TAFA1: variants seen among roughly 807,000 people sequenced by gnomAD.
TAFA1 encodes the protein TAFA chemokine like family member 1, also known as chemokine-like protein TAFA-1.
In TAFA1, 4 loss-of-function variants were observed where a neutral mutation model predicts 18.5. The ratio of observed to expected loss-of-function variants is 0.22; its 90% CI spans 0.11 to 0.49. The LOEUF (loss-of-function observed/expected upper bound fraction) is 0.49, where lower values mean the gene tolerates loss of function less well. Among genes scored for constraint, TAFA1 ranks in the 20% least tolerant of loss-of-function variants. The pLI, the probability that TAFA1 is intolerant of heterozygous loss-of-function variation, is 0.98. For missense variants in TAFA1, 147 were observed against 169.0 expected (o/e 0.87, Z 0.72); for synonymous variants, 56 against 55.2 (o/e 1.01, Z -0.06).
At chr3:67,995,376 G>C in the TAFA1 span, among the ~76,000 whole-genome samples, 3 of 151,900 alleles carry the variant, frequency 2.0e-5, no homozygotes, top group Non-Finnish European at 4.4e-5. Context: ...ATCTGGGTGG[G>C]GGCCAGGGCA....
chr3:68,386,114 A>G (rs1049817839), intron 2 of TAFA1, among the ~76,000 whole-genome samples: 1 of 152,146 alleles, frequency 6.6e-6, no homozygotes, highest in Non-Finnish European at 1.5e-5. Flanking sequence ...CTGACTTGCT[A>G]TGAACAAGAC....
At chr3:68,070,500 C>T (rs1331296292) in intron 2 of TAFA1, among the ~76,000 whole-genome samples, 1 of 152,214 alleles carries the variant, frequency 6.6e-6, no homozygotes, top group African/African-American at 2.4e-5. Flanking sequence ...ATGAAGACCT[C>T]TGACATGCCC....
chr3:68,283,355 T>C (rs1399277815), intron 2 of TAFA1, among the ~76,000 whole-genome samples: 1 of 152,224 alleles, frequency 6.6e-6, no homozygotes, highest in Non-Finnish European at 1.5e-5. Flanking sequence ...AGTATGCATA[T>C]GTATTACTGT....
intron 3 of TAFA1, among the ~76,000 whole-genome samples, chr3:68,511,721 A>G (rs2072848544): frequency 6.6e-6 from 1 of 152,072 alleles, no homozygotes; most frequent in Non-Finnish European, 1.5e-5. Context: ...CCACAGATAA[A>G]CTTAATTTCC....
chr3:68,087,033 A>G (rs2064978360), intron 2 of TAFA1, among the ~76,000 whole-genome samples: 1 of 152,216 alleles, frequency 6.6e-6, no homozygotes, highest in Non-Finnish European at 1.5e-5. Context: ...ATGTTTGCAG[A>G]CATTTTAGAG....
chr3:68,510,621 A>G (rs1399385617), intron 3 of TAFA1, among the ~76,000 whole-genome samples: 1 of 152,122 alleles, frequency 6.6e-6, no homozygotes, highest in Non-Finnish European at 1.5e-5. Flanking sequence ...AATAGGTTAT[A>G]TTGCATCTAA....
At chr3:68,515,464 G>T (rs181820967) in intron 3 of TAFA1, among the ~76,000 whole-genome samples, 82 of 152,210 alleles carry the variant, frequency 5.4e-4, no homozygotes, top group African/African-American at 1.9e-3. Flanking sequence ...AGGAAGTATG[G>T]TTAGCTCCAC....
intron 2 of TAFA1, among the ~76,000 whole-genome samples, chr3:68,388,395 A>T (rs2070151785): frequency 6.6e-6 from 1 of 152,178 alleles, no homozygotes; most frequent in South Asian, 2.1e-4. Context: ...AGAGGCCTCA[A>T]TGTGCATTCA....
intron 2 of TAFA1, among the ~76,000 whole-genome samples, chr3:68,345,885 T>C (rs977541945): frequency 3.3e-5 from 5 of 152,138 alleles, no homozygotes; most frequent in African/African-American, 7.2e-5. Context: ...GCACATTCTC[T>C]TTTTTAGAGA....
the TAFA1 span, among the ~76,000 whole-genome samples, chr3:67,996,889 T>C: frequency 2.6e-5 from 4 of 152,228 alleles, no homozygotes; most frequent in East Asian, 7.7e-4. Context: ...ACATAAAAGA[T>C]AGTCTAGTGG....
chr3:68,307,951 C>A (rs1005775984), intron 2 of TAFA1, among the ~76,000 whole-genome samples: 7 of 152,174 alleles, frequency 4.6e-5, no homozygotes, highest in Middle Eastern at 3.4e-3. Flanking sequence ...CTTAAGTGTT[C>A]TGAAATTATT....
intron 3 of TAFA1, among the ~76,000 whole-genome samples, chr3:68,427,630 T>G (rs1452117685): frequency 1.3e-5 from 2 of 151,802 alleles, no homozygotes; most frequent in Non-Finnish European, 2.9e-5. Context: ...CCTCTGAAGC[T>G]CCTTGAATTT....
At chr3:68,374,587 G>A (rs72912928) in intron 2 of TAFA1, among the ~76,000 whole-genome samples, 10,190 of 152,182 alleles carry the variant, frequency 0.067, 457 homozygotes, top group East Asian at 0.14. Flanking sequence ...CTACAATTCA[G>A]CATGTCTTGA....
At chr3:68,214,127 G>T (rs1422572499) in intron 2 of TAFA1, among the ~76,000 whole-genome samples, 1 of 152,028 alleles carries the variant, frequency 6.6e-6, no homozygotes, top group African/African-American at 2.4e-5. Context: ...TTGCTTGTTA[G>T]AAGGAATGGA....
At chr3:68,246,280 T>C (rs2067074797) in intron 2 of TAFA1, among the ~76,000 whole-genome samples, 1 of 152,142 alleles carries the variant, frequency 6.6e-6, no homozygotes, top group Admixed American at 6.5e-5. Flanking sequence ...TCCTTTGGTC[T>C]CAATATTTTT....
At chr3:68,414,764 G>A (rs2070779182) in intron 2 of TAFA1, among the ~76,000 whole-genome samples, 1 of 152,166 alleles carries the variant, frequency 6.6e-6, no homozygotes, top group Admixed American at 6.5e-5. Context: ...ACTCAGTGCA[G>A]TAACTCAGGC....
intron 2 of TAFA1, among the ~76,000 whole-genome samples, chr3:68,344,097 C>A (rs944033135): frequency 6.6e-6 from 1 of 152,144 alleles, no homozygotes; most frequent in African/African-American, 2.4e-5. Context: ...CCTGCCTGGG[C>A]CTCCCAAAGT....
In TAFA1 at chr3:68,431,092, C is replaced by A. The variant is rs184818065; in HGVS notation, c.259+13672C>A. 1.7e-4 allele frequency among the ~76,000 whole-genome samples: 26 copies of A among 151,932 alleles called. No homozygotes were observed. The East Asian group carries it at 5.1e-3, about 30-fold the overall frequency. ...TGTTGTATGTAGCTCCCTCCCTAAC[C>A]CCCTACAAAAGCCTCTATAACACCT... On this transcript the variant is annotated intron_variant, in intron 3 of 4. Coordinates refer to ENST00000478136, the MANE Select transcript of TAFA1 (RefSeq NM_213609.4).
At chr3:68,488,180 G>T (rs1472123995) in intron 3 of TAFA1, among the ~76,000 whole-genome samples, 1 of 152,164 alleles carries the variant, frequency 6.6e-6, no homozygotes, top group Non-Finnish European at 1.5e-5. Flanking sequence ...TCCCACAATA[G>T]GCCGTCTGCA....
Sources: gnomAD v4.1 joint callset for allele counts (sites outside exome capture counted in the v4.1 genomes callset) on GRCh38, gnomAD v4.1.1 for gene constraint, MANE v1.5 for transcripts, NCBI Gene and HGNC (gene_info 2026-07-23, HGNC 2026-07-21) for gene names.